Variants in ADGRB3 observed in about 807,000 individuals in gnomAD.
ADGRB3 encodes adhesion G protein-coupled receptor B3.
In ADGRB3, 37 loss-of-function variants were observed where a neutral mutation model predicts 193.4. That is an observed-to-expected ratio of 0.19 (90% CI 0.15 to 0.25). The LOEUF (loss-of-function observed/expected upper bound fraction) is 0.25, where lower values mean the gene tolerates loss of function less well. Ranked by LOEUF, ADGRB3 falls within the 10% of genes least tolerant of loss-of-function variation. The pLI, the probability that ADGRB3 is intolerant of heterozygous loss-of-function variation, is 1.00. For missense variants in ADGRB3, 1,637 were observed against 1,852.9 expected (o/e 0.88, Z 2.14); for synonymous variants, 690 against 644.2 (o/e 1.07, Z -1.08).
intron 5 of ADGRB3, among the ~76,000 whole-genome samples, chr6:68,940,452 G>T (rs573585423): frequency 6.7e-6 from 1 of 150,114 alleles, no homozygotes; most frequent in South Asian, 2.1e-4. Context: ...GTCACCTGGG[G>T]AACAAAACTG....
intron 3 of ADGRB3, among the ~76,000 whole-genome samples, chr6:68,893,704 T>A (rs1766143654): frequency 6.6e-6 from 1 of 151,990 alleles, no homozygotes; most frequent in Non-Finnish European, 1.5e-5. Flanking sequence ...AAGGTATCAG[T>A]TTAATTAATG....
At chr6:69,366,569 G>C (rs969649485) in intron 29 of ADGRB3, among the ~76,000 whole-genome samples, 2 of 152,026 alleles carry the variant, frequency 1.3e-5, no homozygotes, top group Non-Finnish European at 2.9e-5. Context: ...CCTTTGAGTA[G>C]CTTCATACTG....
chr6:69,102,014 A>G (rs559342980), intron 17 of ADGRB3, among the ~76,000 whole-genome samples: 89 of 152,074 alleles, frequency 5.9e-4, no homozygotes, highest in African/African-American at 2.0e-3. Flanking sequence ...CATCTCTACT[A>G]AAAATACAAA....
chr6:69,285,038 TG>T (rs1186695486), intron 20 of ADGRB3, among the ~76,000 whole-genome samples: 3 of 152,210 alleles, frequency 2.0e-5, no homozygotes, highest in African/African-American at 7.2e-5. Context: ...ATAACACCTT[TG>T]TGGAGTTATA....
intron 3 of ADGRB3, among the ~76,000 whole-genome samples, chr6:68,677,002 A>G (rs1008596680): frequency 1.3e-5 from 2 of 152,248 alleles, no homozygotes. Flanking sequence ...TGTTTATTCA[A>G]TTGCATTTTG....
rs1765386894 is a variant in ADGRB3, at chr6:69,199,989, G to GA, written c.2481-33296dup. Among the ~76,000 whole-genome samples, 4 of 152,018 alleles carry GA rather than the reference G, an allele frequency of 2.6e-5. No homozygotes were observed. In the South Asian group the frequency reaches 8.3e-4, roughly 31 times the overall value. ...TTGATCAAAAAAAAAGGTTTAAGAT[G>GA]AAAAAGCACATCGTTCTGGCATTTG... On this transcript the variant is annotated intron_variant, in intron 17 of 31. Coordinates refer to ENST00000370598, the MANE Select transcript of ADGRB3 (RefSeq NM_001704.3).
At chr6:69,288,055 T>A (rs1190038794) in intron 20 of ADGRB3, among the ~76,000 whole-genome samples, 1 of 152,182 alleles carries the variant, frequency 6.6e-6, no homozygotes, top group Non-Finnish European at 1.5e-5. Context: ...GACACTAATT[T>A]TTTTTATTAT....
intron 3 of ADGRB3, among the ~76,000 whole-genome samples, chr6:68,739,433 A>G (rs186587330): frequency 1.3e-5 from 2 of 152,310 alleles, no homozygotes; most frequent in South Asian, 2.1e-4. Context: ...AACAAAGAGA[A>G]TAAGAGCTTG....
chr6:69,236,805 G>T (rs937336831), intron 19 of ADGRB3, among the ~76,000 whole-genome samples: 2 of 151,954 alleles, frequency 1.3e-5, no homozygotes, highest in African/African-American at 4.8e-5. Context: ...TTTCTTTAAT[G>T]CAGAAAGTTC....
intron 3 of ADGRB3, among the ~76,000 whole-genome samples, chr6:68,888,942 C>G (rs565397540): frequency 2.0e-5 from 3 of 152,222 alleles, no homozygotes; most frequent in African/African-American, 7.2e-5. Flanking sequence ...AGTTAACACT[C>G]AAATCCATTA....
chr6:68,701,073 C>T (rs1765235633), intron 3 of ADGRB3, among the ~76,000 whole-genome samples: 1 of 152,068 alleles, frequency 6.6e-6, no homozygotes, highest in Admixed American at 6.6e-5. Context: ...TAATGAATAT[C>T]TTTGATTCTA....
intron 3 of ADGRB3, among the ~76,000 whole-genome samples, chr6:68,816,634 T>A (rs1415473054): frequency 6.6e-6 from 1 of 152,084 alleles, no homozygotes; most frequent in Non-Finnish European, 1.5e-5. Flanking sequence ...ATTAATGTAG[T>A]CACACTGGCT....
chr6:68,993,200 T>TA lies in ADGRB3; in HGVS notation c.1735-559dup, dbSNP rs35185024. 2.8e-4 allele frequency among the ~76,000 whole-genome samples: 40 copies of TA among 141,702 alleles called. No individual in the cohort carries two copies. In the East Asian group the frequency reaches 3.0e-3, roughly 11 times the overall value. 93.0% of individuals were successfully genotyped at this position (141,702 alleles called of 152,430 possible). On this transcript the variant is annotated intron_variant, in intron 10 of 31. Coordinates refer to ENST00000370598, the MANE Select transcript of ADGRB3 (RefSeq NM_001704.3). ...TTCAATTGTTTTTGCTGTTTTTTTT[T>TA]AAAAAAAAAGCTAAAGCAATCTGGT... is the stretch of plus-strand genomic sequence containing the variant.
At chr6:68,848,493 CA>C (rs1316263214) in intron 3 of ADGRB3, among the ~76,000 whole-genome samples, 2 of 151,938 alleles carry the variant, frequency 1.3e-5, no homozygotes, top group Admixed American at 6.6e-5. Flanking sequence ...AAAAGTCATA[CA>C]AAAAGCAAGT....
intron 3 of ADGRB3, among the ~76,000 whole-genome samples, chr6:68,873,987 G>T (rs973684745): frequency 6.6e-6 from 1 of 151,998 alleles, no homozygotes; most frequent in African/African-American, 2.4e-5. Flanking sequence ...TATATTAGTT[G>T]TTAAATAGTA....
intron 3 of ADGRB3, among the ~76,000 whole-genome samples, chr6:68,729,717 T>G (rs1471893790): frequency 6.6e-6 from 1 of 151,628 alleles, no homozygotes; most frequent in Non-Finnish European, 1.5e-5. Flanking sequence ...GCTATTATGG[T>G]GACACTTTTC....
chr6:68,930,803 G>A, intron 4 of ADGRB3, 134 bp downstream of exon 4: 2 of 646,040 alleles, frequency 3.1e-6, no homozygotes, highest in Non-Finnish European at 5.2e-6. Context: ...TTTGTCACCA[G>A]TTAAAGTCCA....
chr6:69,114,850 A>G (rs1030577129), intron 17 of ADGRB3, among the ~76,000 whole-genome samples: 2 of 152,242 alleles, frequency 1.3e-5, no homozygotes, highest in Non-Finnish European at 2.9e-5. Flanking sequence ...AAAAATGCTC[A>G]TCATCACTGG....
At chr6:69,376,133 C>T (rs1011124510) in intron 30 of ADGRB3, among the ~76,000 whole-genome samples, 1 of 108,224 alleles carries the variant, frequency 9.2e-6, no homozygotes, top group East Asian at 3.3e-4. Flanking sequence ...CTTTGTTACT[C>T]ACACTGGAGT....
Sources: allele counts gnomAD v4.1 joint callset (sites outside exome capture counted in the v4.1 genomes callset), GRCh38; gene constraint gnomAD v4.1.1; transcripts MANE v1.5; gene names NCBI Gene and HGNC (gene_info 2026-07-23, HGNC 2026-07-21).